The following EHD3 variants were observed in gnomAD, a reference collection of about 807,000 sequenced individuals.
EHD3 encodes EH domain-containing protein 3.
Under a neutral mutation model 43.0 loss-of-function variants are expected in EHD3, and 17 were observed. That is an observed-to-expected ratio of 0.40 (90% CI 0.27 to 0.59). The LOEUF (loss-of-function observed/expected upper bound fraction) is 0.59. EHD3 is among the 20% of genes least tolerant of loss of function. EHD3 has a pLI of 0.49. For synonymous variants in EHD3, 313 were observed against 289.5 expected (o/e 1.08, Z -0.82); for missense variants, 594 against 705.6 (o/e 0.84, Z 1.79).
intron 3 of EHD3, among the ~76,000 whole-genome samples, chr2:31,252,391 C>T (rs1683655179): frequency 2.6e-5 from 4 of 152,234 alleles, no homozygotes; most frequent in Admixed American, 2.6e-4. Flanking sequence ...ATGTGGCAGG[C>T]TGGTTCCCAG....
chr2:31,244,252 G>C, intron 1 of EHD3, 22 bp from the exon 2 acceptor site: 1 of 1,609,360 alleles, frequency 6.2e-7, no homozygotes. Flanking sequence ...GCCTGCATTA[G>C]GACTGTGCTT....
At chr2:31,259,279 C>T (rs1286096582) in intron 3 of EHD3, among the ~76,000 whole-genome samples, 1 of 152,212 alleles carries the variant, frequency 6.6e-6, no homozygotes, top group African/African-American at 2.4e-5. Context: ...CTTCATGCGA[C>T]TGCTGCTGCT....
At chr2:31,250,473 G>A (rs1485535515) in intron 3 of EHD3, among the ~76,000 whole-genome samples, 2 of 152,006 alleles carry the variant, frequency 1.3e-5, no homozygotes, top group Non-Finnish European at 2.9e-5. Context: ...TTACCATGTT[G>A]GCCAGAATGG....
intron 5 of EHD3, 144 bp downstream of exon 5, chr2:31,261,857 C>A: frequency 9.8e-7 from 1 of 1,018,128 alleles, no homozygotes; most frequent in Non-Finnish European, 1.4e-6. Flanking sequence ...CCTGGATCTA[C>A]ACTCCTAGCT....
intron 1 of EHD3, among the ~76,000 whole-genome samples, chr2:31,243,549 C>A (rs560619452): frequency 1.3e-5 from 2 of 149,046 alleles, no homozygotes; most frequent in African/African-American, 2.5e-5. Flanking sequence ...CTCTGCCTCC[C>A]GGGTTCAAAT....
At chr2:31,241,591 G>A (rs963100771) in intron 1 of EHD3, among the ~76,000 whole-genome samples, 1 of 152,282 alleles carries the variant, frequency 6.6e-6, no homozygotes, top group African/African-American at 2.4e-5. Context: ...ATAGTATGTG[G>A]GAAGGTGAAA....
chr2:31,251,682 G>A (rs1422282905), intron 3 of EHD3, among the ~76,000 whole-genome samples: 1 of 152,126 alleles, frequency 6.6e-6, no homozygotes. Context: ...GCTGTATGGT[G>A]GAGGTGATAG....
rs1260956106 is a variant in EHD3 at position 31,266,405 on chromosome 2, G to A, written c.1309G>A (p.Ala437Thr). ...GEGAGEGIDD[A>T]EWVVARDKPM... ...GGGGGCTGGAGAAGGTATCGATGAT[G>A]CTGAGTGGGTGGTGGCCAGGGACAA... Residue 437 changes from alanine to threonine, a missense_variant, in exon 6 of 6, where the codon GCT becomes ACT. Coordinates refer to ENST00000322054, the MANE Select transcript of EHD3 (RefSeq NM_014600.3). This position sits in a 1 kb window ranked among gnomAD's most constrained non-coding sequence, Gnocchi z 5.1. The A allele has an allele frequency of 6.2e-7, 1 of 1,614,088 alleles. No individual in the cohort carries two copies. The highest frequency in any genetic ancestry group is 8.5e-7 in the Non-Finnish European group (1 of 1,179,944).
intron 3 of EHD3, among the ~76,000 whole-genome samples, chr2:31,256,776 A>T (rs1198773404): frequency 6.6e-6 from 1 of 152,188 alleles, no homozygotes; most frequent in Non-Finnish European, 1.5e-5. Flanking sequence ...CCTTCTCTGC[A>T]GCTTCTCTGG....
rs1418621028 is a variant in EHD3 at position 31,243,456 on chromosome 2, C to CTTTTT, written c.228-815_228-814insTTTTT. ...TCTTTCTTTCTTTCTTTCTTTCTTT[C>CTTTTT]TTTCTTTTTTTTTTTTTGAGACAGA... On this transcript the variant is annotated intron_variant, in intron 1 of 5. Coordinates refer to ENST00000322054, the MANE Select transcript of EHD3 (RefSeq NM_014600.3). 1.2e-3 allele frequency among the ~76,000 whole-genome samples: 111 copies of CTTTTT among 93,302 alleles called. 2 individuals carry two copies. The highest frequency in any genetic ancestry group is 5.3e-3 in the African/African-American group (104 of 19,688). 61.2% of individuals were successfully genotyped at this position (93,302 alleles called of 152,430 possible). A position where few individuals can be genotyped will look rare whatever the true frequency, so the allele number is the denominator to read the frequency against.
At chr2:31,246,363 G>A (rs1192229424) in intron 2 of EHD3, among the ~76,000 whole-genome samples, 1 of 152,032 alleles carries the variant, frequency 6.6e-6, no homozygotes, top group African/African-American at 2.4e-5. Context: ...TTTGATTTTG[G>A]ACACATTGAG....
intron 3 of EHD3, among the ~76,000 whole-genome samples, chr2:31,256,453 G>C (rs968416166): frequency 6.6e-6 from 1 of 152,186 alleles, no homozygotes; most frequent in Admixed American, 6.5e-5. Context: ...CTTCCGTTCA[G>C]CAAATACTGA....
rs754871456 is a variant in EHD3, at chr2:31,266,002, C to T, written c.1081-175C>T. On this transcript the variant is annotated intron_variant, in intron 5 of 5. Transcript: ENST00000322054. This position sits in a 1 kb window ranked among gnomAD's most constrained non-coding sequence, Gnocchi z 5.1. ...CCCAGTGGGCCTTTATTCCCCTCCT[C>T]TCTCATACCTTCGATTACCACGTGA... Among the ~76,000 whole-genome samples the T allele has an allele frequency of 2.6e-4, 40 of 152,180 alleles. No individual in the cohort carries two copies. The highest frequency in any genetic ancestry group is 4.9e-4 in the Non-Finnish European group (33 of 68,040).
At position 31,267,122 on chromosome 2, in the gene EHD3, T is replaced by A. The variant is rs1201942059; in HGVS notation, c.*418T>A. The stretch of plus-strand genomic sequence containing the variant: ...TTAGTAGACAATTCACTTCTTTTTC[T>A]GTGCTTCCCCTATCTGCTTTGGCTT... On this transcript the variant is annotated 3_prime_UTR_variant, in exon 6 of 6. Transcript: ENST00000322054. The A allele has an allele frequency of 6.1e-6, 1 of 163,654 alleles. No homozygotes were observed. Among genetic ancestry groups the A allele is most frequent in the Non-Finnish European group, 1.3e-5 (1 of 75,460 alleles). 10.1% of individuals were successfully genotyped at this position (163,654 alleles called of 1,614,324 possible). A position where few individuals can be genotyped will look rare whatever the true frequency, so the allele number is the denominator to read the frequency against.
chr2:31,260,532 T>G lies in EHD3; in HGVS notation c.525T>G (p.Leu175=), dbSNP rs1057418700. ...CAGGGTATGACTTTGCAGCTGTCCT[T>G]GAGTGGTTTGCCGAGCGGGTTGACC... ...ISRGYDFAAV[L]EWFAERVDRI... Residue 175 remains leucine, a synonymous_variant, in exon 4 of 6, where the codon CTT becomes CTG. Transcript: ENST00000322054. The surrounding 1 kb of genome is among the most constrained non-coding windows in gnomAD (Gnocchi z 4.6). The G allele has an allele frequency of 1.2e-6, 2 of 1,609,626 alleles. No individual in the cohort carries two copies. Among genetic ancestry groups the G allele is most frequent in the Non-Finnish European group, 1.7e-6 (2 of 1,177,002 alleles).
At chr2:31,262,904 G>T (rs1558652752) in intron 5 of EHD3, among the ~76,000 whole-genome samples, 1 of 150,158 alleles carries the variant, frequency 6.7e-6, no homozygotes, top group Admixed American at 6.7e-5. Context: ...AACAGAGAAA[G>T]ACTCCATCTC....
At chr2:31,262,870 G>T (rs916945354) in intron 5 of EHD3, among the ~76,000 whole-genome samples, 4 of 151,518 alleles carry the variant, frequency 2.6e-5, no homozygotes, top group African/African-American at 9.7e-5. Flanking sequence ...AGCCAAGATT[G>T]TGCCACTGCA....
At position 31,266,504 on chromosome 2, in the gene EHD3, G is replaced by A. The variant is rs35925176; in HGVS notation, c.1408G>A (p.Glu470Lys). ...GATCACAGGCGCTAATGCCAAGAAG[G>A]AGATGGTGCGCTCCAAGCTGCCCAA... ...GKITGANAKK[E>K]MVRSKLPNSV... is the part of the protein sequence containing the mutation. The change falls in exon 6 of 6, where the codon GAG (glutamate) becomes AAG (lysine). Residue 470 changes from glutamate (E) to lysine (K), a missense_variant. Coordinates refer to ENST00000322054, the MANE Select transcript of EHD3 (RefSeq NM_014600.3). This position sits in a 1 kb window ranked among gnomAD's most constrained non-coding sequence, Gnocchi z 5.1. The A allele has an allele frequency of 1.2e-6, 2 of 1,614,030 alleles. No homozygotes were observed. The highest frequency in any genetic ancestry group is 2.7e-5 in the African/African-American group (2 of 74,898).
chr2:31,259,486 T>A (rs550181202), intron 3 of EHD3, among the ~76,000 whole-genome samples: 1 of 152,160 alleles, frequency 6.6e-6, no homozygotes, highest in Non-Finnish European at 1.5e-5. Flanking sequence ...TACTTGGGAT[T>A]GAGCAGAACA....
Sources: gnomAD v4.1 joint callset for allele counts (sites outside exome capture counted in the v4.1 genomes callset) on GRCh38, gnomAD v4.1.1 for gene constraint, Gnocchi (gnomAD v3.1) non-coding constraint, MANE v1.5 for transcripts, NCBI Gene and HGNC (gene_info 2026-07-23, HGNC 2026-07-21) for gene names.